The following COIL variants were observed in gnomAD, a reference collection of about 807,000 sequenced individuals.
COIL encodes the protein coilin p80.
Under a neutral mutation model 51.6 loss-of-function variants are expected in COIL, and 28 were observed. That is an observed-to-expected ratio of 0.54 (90% CI 0.40 to 0.74). The LOEUF is 0.74. Among genes scored for constraint, COIL ranks in the 30% least tolerant of loss-of-function variants. The pLI is 0.00. For synonymous variants in COIL, 233 were observed against 255.8 expected (o/e 0.91, Z 0.85); for missense variants, 667 against 685.9 (o/e 0.97, Z 0.31).
At chr17:56,958,338 CTA>C (rs1910519896) in intron 1 of COIL, among the ~76,000 whole-genome samples, 1 of 152,194 alleles carries the variant, frequency 6.6e-6, no homozygotes, top group South Asian at 2.1e-4. Flanking sequence ...AGAATAGAGA[CTA>C]TGTGTTCTTC....
At chr17:56,943,394 G>A (rs1910184151) in intron 5 of COIL, among the ~76,000 whole-genome samples, 1 of 152,202 alleles carries the variant, frequency 6.6e-6, no homozygotes, top group African/African-American at 2.4e-5. Flanking sequence ...CATTCCTACA[G>A]TGAGCTATTT....
rs1228754820 is a variant in COIL, at chr17:56,953,803, A to AC, written c.246-2808_246-2807insG. 3.2e-4 allele frequency among the ~76,000 whole-genome samples: 48 copies of AC among 152,316 alleles called. 1 individual carries two copies. The highest frequency in any genetic ancestry group is 1.1e-3 in the African/African-American group (46 of 41,556). Reference sequence around the variant, plus strand: ...ACTATACAGACAAACAAATCAAGATAAAATAAGAGTTACTGATATCAGGAG... The same window carrying AC: ...ACTATACAGACAAACAAATCAAGATACAAATAAGAGTTACTGATATCAGGAG... On this transcript the variant is annotated intron_variant, in intron 1 of 6. Transcript: ENST00000240316.
intron 1 of COIL, among the ~76,000 whole-genome samples, chr17:56,957,299 T>TA (rs1000085362): frequency 2.0e-5 from 3 of 150,786 alleles, no homozygotes; most frequent in Non-Finnish European, 3.0e-5. Context: ...GCTGCACGAT[T>TA]AAAAAAAATT....
rs1364109974 is a variant in COIL at position 56,938,556 on chromosome 17, T to G, written c.*515A>C. 3.3e-5 allele frequency: 5 copies of G among 152,472 alleles called. No homozygotes were observed. Among genetic ancestry groups the G allele is most frequent in the Non-Finnish European group, 1.5e-5 (1 of 68,206 alleles). 9.4% of individuals were successfully genotyped at this position (152,472 alleles called of 1,614,324 possible). ...CGTGAAAGGATTCCTTAACTCATTGTCTGCGACAAATCCAACTACCTGTTA... is the reference window on the plus strand; with the variant it reads ...CGTGAAAGGATTCCTTAACTCATTGGCTGCGACAAATCCAACTACCTGTTA... On this transcript the variant is annotated 3_prime_UTR_variant, in exon 7 of 7. Coordinates refer to ENST00000240316, the MANE Select transcript of COIL (RefSeq NM_004645.3).
chr17:56,960,816 G>C lies in COIL; in HGVS notation c.204C>G (p.Pro68=), dbSNP rs771844660. The C allele has an allele frequency of 2.5e-6, 4 of 1,587,656 alleles. No homozygotes were observed. Among genetic ancestry groups the C allele is most frequent in the South Asian group, 1.1e-5 (1 of 88,056 alleles). ...GLYLEGGLLP[P]AESARLVRDN... ...CTCTCACAAGGCGCGCGCTCTCGGC[G>C]GGGGGCAAGAGCCCCCCCTCCAGGT... The change falls in exon 1 of 7, where the codon CCC becomes CCG. Residue 68 remains proline, a synonymous_variant. Transcript: ENST00000240316.
At chr17:56,949,060 G>A (rs1468283448) in intron 4 of COIL, among the ~76,000 whole-genome samples, 1 of 152,082 alleles carries the variant, frequency 6.6e-6, no homozygotes, top group Non-Finnish European at 1.5e-5. Context: ...GATTGCTTGA[G>A]CCAAGGAGTT....
At position 56,961,020 on chromosome 17, in the gene COIL, C is replaced by G; in HGVS notation, c.-1G>C. 4 of 1,613,460 alleles carry G rather than the reference C, an allele frequency of 2.5e-6. No homozygotes were observed. The highest frequency in any genetic ancestry group is 2.5e-6 in the Non-Finnish European group (3 of 1,179,852). On this transcript the variant is annotated 5_prime_UTR_variant, in exon 1 of 7. Transcript: ENST00000240316. ...GCCTAACCGTCTCGGAAGCTGCCAT[C>G]TTGCTTGGTGCTCAACGGAAGCCGA...
At chr17:56,958,211 C>G (rs1367396700) in intron 1 of COIL, among the ~76,000 whole-genome samples, 1 of 152,224 alleles carries the variant, frequency 6.6e-6, no homozygotes, top group Non-Finnish European at 1.5e-5. Flanking sequence ...CCAGCTTCTG[C>G]ACTTACCATA....
chr17:56,960,299 G>A (rs1478227994), intron 1 of COIL, among the ~76,000 whole-genome samples: 2 of 151,322 alleles, frequency 1.3e-5, no homozygotes, highest in African/African-American at 2.4e-5. Context: ...CGATGCAAGC[G>A]GATCAACTGA....
intron 4 of COIL, 152 bp downstream of exon 4, chr17:56,949,235 G>C (rs551525464): frequency 3.3e-6 from 2 of 606,538 alleles, no homozygotes; most frequent in African/African-American, 3.9e-5. Context: ...TACTATTAAA[G>C]AGTTGACATT....
chr17:56,960,745 C>G, intron 1 of COIL, 30 bp downstream of exon 1: 1 of 1,486,212 alleles, frequency 6.7e-7, no homozygotes, highest in Non-Finnish European at 8.9e-7. Context: ...CCGCCGCCCA[C>G]CCGGCCGTCC....
In COIL at chr17:56,960,767, C is replaced by A; in HGVS notation, c.245+8G>T. On this transcript the variant is annotated splice_region_variant and intron_variant, in intron 1 of 6. Transcript: ENST00000240316. ...CCACCCGGCCGTCCCGCTCCCTGCG[C>A]CGCGCACCTGAGGCAGTCGTTGTCT... The A allele has an allele frequency of 6.4e-7, 1 of 1,551,436 alleles. No homozygotes were observed. The highest frequency in any genetic ancestry group is 2.4e-5 in the East Asian group (1 of 41,074).
At chr17:56,949,543 GC>G (rs2144397761) in intron 3 of COIL, 109 bp from the exon 4 acceptor site, 1 of 1,396,424 alleles carries the variant, frequency 7.2e-7, no homozygotes, top group Admixed American at 1.8e-5. Context: ...CAGTCTGGGA[GC>G]CCTACCAGGA....
In COIL at chr17:56,938,948, A is replaced by G. The variant is rs1910093343; in HGVS notation, c.*123T>C. 3.4e-6 allele frequency: 2 copies of G among 587,636 alleles called. No homozygotes were observed. The highest frequency in any genetic ancestry group is 5.6e-5 in the East Asian group (2 of 35,664). The allele number at this position is 587,636 out of a possible 1,614,324, so 36.4% of individuals were successfully genotyped here. Reference sequence around the variant, plus strand: ...TGAGGTAGATTGTTTCCTATGCAGTAAAGTGAAGATAACAAAAAAATCCAT... The same window carrying G: ...TGAGGTAGATTGTTTCCTATGCAGTGAAGTGAAGATAACAAAAAAATCCAT... On this transcript the variant is annotated 3_prime_UTR_variant, in exon 7 of 7. Coordinates refer to ENST00000240316, the MANE Select transcript of COIL (RefSeq NM_004645.3).
At chr17:56,957,695 G>C (rs1054698308) in intron 1 of COIL, among the ~76,000 whole-genome samples, 3 of 152,024 alleles carry the variant, frequency 2.0e-5, no homozygotes, top group African/African-American at 7.2e-5. Flanking sequence ...CCTGATCTTG[G>C]ACTTGTAGTC....
intron 6 of COIL, 84 bp downstream of exon 6, chr17:56,941,951 A>T: frequency 9.3e-7 from 1 of 1,078,402 alleles, no homozygotes; most frequent in Non-Finnish European, 1.4e-6. Flanking sequence ...CAGGGCCTGT[A>T]GTGCAATGTC....
At chr17:56,953,247 T>TA (rs1164917924) in intron 1 of COIL, among the ~76,000 whole-genome samples, 8 of 151,666 alleles carry the variant, frequency 5.3e-5, no homozygotes, top group Admixed American at 3.9e-4. Flanking sequence ...CCGTCTCTAC[T>TA]AAAAATACAA....
chr17:56,949,539 G>GGGT, intron 3 of COIL, 105 bp from the exon 4 acceptor site: 1 of 1,420,808 alleles, frequency 7.0e-7, no homozygotes, highest in Non-Finnish European at 9.9e-7. Flanking sequence ...CGACCAGTCT[G>GGGT]GGAGCCCTAC....
At chr17:56,943,237 T>C (rs1182531723) in intron 5 of COIL, among the ~76,000 whole-genome samples, 1 of 152,252 alleles carries the variant, frequency 6.6e-6, no homozygotes, top group Non-Finnish European at 1.5e-5. Flanking sequence ...TTTGAACTTC[T>C]AATGTCGTGA....
Sources: gnomAD v4.1 joint callset for allele counts (sites outside exome capture counted in the v4.1 genomes callset) on GRCh38, gnomAD v4.1.1 for gene constraint, MANE v1.5 for transcripts, NCBI Gene and HGNC (gene_info 2026-07-23, HGNC 2026-07-21) for gene names.